The following MTHFS variants were observed in gnomAD, a reference collection of about 807,000 sequenced individuals.
The protein encoded by MTHFS is methenyltetrahydrofolate synthetase.
In MTHFS, 7 loss-of-function variants were observed where a neutral mutation model predicts 12.7. That is an observed-to-expected ratio of 0.55 (90% CI 0.31 to 1.03). MTHFS has a LOEUF of 1.03. MTHFS is among the 50% of genes least tolerant of loss of function. The pLI is 0.05. For missense variants in MTHFS, 252 were observed against 258.1 expected (o/e 0.98, Z 0.16); for synonymous variants, 100 against 97.1 (o/e 1.03, Z -0.18).
intron 2 of MTHFS, among the ~76,000 whole-genome samples, chr15:79,862,601 T>C (rs2033937175): frequency 6.6e-6 from 1 of 152,160 alleles, no homozygotes; most frequent in East Asian, 1.9e-4. Flanking sequence ...CTGTCCTTTC[T>C]ACAGCAAAAA....
intron 2 of MTHFS, among the ~76,000 whole-genome samples, chr15:79,864,629 C>T (rs990793045): frequency 4.1e-5 from 6 of 146,656 alleles, no homozygotes; most frequent in African/African-American, 1.0e-4. Flanking sequence ...GACCTGTACA[C>T]GCTTTCTGGT....
chr15:79,844,831 C>A lies in MTHFS; in HGVS notation c.*379G>T. 4.2e-6 allele frequency: 1 copy of A among 238,358 alleles called. No homozygotes were observed. The highest frequency in any genetic ancestry group is 8.3e-6 in the Non-Finnish European group (1 of 120,616). The allele number at this position is 238,358 out of a possible 1,614,324, so 14.8% of individuals were successfully genotyped here. A position where few individuals can be genotyped will look rare whatever the true frequency, so the allele number is the denominator to read the frequency against. On this transcript the variant is annotated 3_prime_UTR_variant, in exon 3 of 3. Coordinates refer to ENST00000258874, the MANE Select transcript of MTHFS (RefSeq NM_006441.4). ...TCTCCATGTGCCTGCCAGGACAGAC[C>A]AGGTCATGAAAGGCGTAATGAAATA...
At chr15:79,880,957 A>C (rs1425051212) in intron 2 of MTHFS, among the ~76,000 whole-genome samples, 1 of 152,242 alleles carries the variant, frequency 6.6e-6, no homozygotes, top group Non-Finnish European at 1.5e-5. Context: ...AGGAGGCAGC[A>C]TTTAAGCTGG....
chr15:79,879,055 T>C (rs999466232), intron 2 of MTHFS, among the ~76,000 whole-genome samples: 18 of 152,158 alleles, frequency 1.2e-4, no homozygotes, highest in Admixed American at 8.5e-4. Context: ...ATTTAATACA[T>C]AGCTTAAAAA....
intron 2 of MTHFS, among the ~76,000 whole-genome samples, chr15:79,887,629 A>G (rs931496710): frequency 1.3e-5 from 2 of 152,254 alleles, no homozygotes; most frequent in Non-Finnish European, 2.9e-5. Flanking sequence ...AGCTGCATTA[A>G]GTTTGAGCAA....
chr15:79,853,645 A>C lies in MTHFS; in HGVS notation c.380-8203T>G, dbSNP rs148990428. ...ACAAGAGCTATCATGCAGATTTCCT[A>C]TCAGCCCAAACCATGTGCAAGGGTG... On this transcript the variant is annotated intron_variant, in intron 2 of 2. Transcript: ENST00000258874. 7.9e-5 allele frequency among the ~76,000 whole-genome samples: 12 copies of C among 152,344 alleles called. No homozygotes were observed. In the East Asian group the frequency reaches 2.1e-3, roughly 27 times the overall value.
intron 1 of MTHFS, among the ~76,000 whole-genome samples, chr15:79,893,210 C>G (rs754136564): frequency 6.6e-6 from 1 of 151,020 alleles, no homozygotes; most frequent in Admixed American, 6.6e-5. Context: ...CAACATCAGC[C>G]GGGCCAAGAT....
At chr15:79,889,464 A>AC in intron 1 of MTHFS, 110 bp from the exon 2 acceptor site, 5 of 1,338,458 alleles carry the variant, frequency 3.7e-6, no homozygotes, top group Non-Finnish European at 2.9e-6. Flanking sequence ...AATATTAAAA[A>AC]GAAAAAAAAA....
rs768143960 is a variant in MTHFS at position 79,844,929 on chromosome 15, T to G, written c.*281A>C. 2.3e-6 allele frequency: 1 copy of G among 436,936 alleles called. No individual in the cohort carries two copies. Among genetic ancestry groups the G allele is most frequent in the Non-Finnish European group, 4.1e-6 (1 of 245,690 alleles). 27.1% of individuals were successfully genotyped at this position (436,936 alleles called of 1,614,324 possible). A position where few individuals can be genotyped will look rare whatever the true frequency, so the allele number is the denominator to read the frequency against. The stretch of plus-strand genomic sequence containing the variant: ...CACAGTTCCTCATAAATATTTAACT[T>G]AAATTGCAAAGTAGACAGATCAACT... On this transcript the variant is annotated 3_prime_UTR_variant, in exon 3 of 3. Coordinates refer to ENST00000258874, the MANE Select transcript of MTHFS (RefSeq NM_006441.4).
intron 1 of MTHFS, among the ~76,000 whole-genome samples, chr15:79,892,163 T>C (rs2733087): frequency 0.13 from 19,999 of 151,810 alleles, 1,458 homozygotes; most frequent in Admixed American, 0.21. Flanking sequence ...TCAAAAAAAA[T>C]TATCTGAAAA....
intron 2 of MTHFS, among the ~76,000 whole-genome samples, chr15:79,871,887 G>A (rs562093793): frequency 2.0e-5 from 3 of 152,078 alleles, no homozygotes; most frequent in South Asian, 2.1e-4. Flanking sequence ...CATGGATCAC[G>A]AGGTCGGGAG....
At chr15:79,847,197 G>A (rs2033634017) in intron 2 of MTHFS, among the ~76,000 whole-genome samples, 1 of 152,118 alleles carries the variant, frequency 6.6e-6, no homozygotes, top group African/African-American at 2.4e-5. Flanking sequence ...AAAGAAAGGT[G>A]GCAAGAGCTG....
At chr15:79,858,035 A>AAAC (rs1422272629) in intron 2 of MTHFS, among the ~76,000 whole-genome samples, 2 of 151,266 alleles carry the variant, frequency 1.3e-5, no homozygotes, top group African/African-American at 2.4e-5. Flanking sequence ...AAAAAAAAAA[A>AAAC]CATAATCCTC....
intron 2 of MTHFS, among the ~76,000 whole-genome samples, chr15:79,874,679 T>C (rs1237006936): frequency 6.6e-6 from 1 of 152,084 alleles, no homozygotes; most frequent in Non-Finnish European, 1.5e-5. Context: ...AAGGAAAAAC[T>C]GGGGAAGAAG....
chr15:79,867,959 G>C (rs2034041136), intron 2 of MTHFS, among the ~76,000 whole-genome samples: 1 of 152,196 alleles, frequency 6.6e-6, no homozygotes, highest in African/African-American at 2.4e-5. Flanking sequence ...GAGAATGAGA[G>C]AGATCACACA....
At chr15:79,896,799 GAT>G in intron 1 of MTHFS, 71 bp downstream of exon 1, 1 of 1,502,164 alleles carries the variant, frequency 6.7e-7, no homozygotes, top group South Asian at 1.2e-5. Flanking sequence ...ACCATGCACA[GAT>G]CAGCAATCGC....
chr15:79,858,154 G>C (rs1344340472), intron 2 of MTHFS, among the ~76,000 whole-genome samples: 1 of 152,038 alleles, frequency 6.6e-6, no homozygotes, highest in Non-Finnish European at 1.5e-5. Context: ...TTTATGGAAG[G>C]CCCTGCCCAA....
chr15:79,878,434 G>A (rs986005130), intron 2 of MTHFS, among the ~76,000 whole-genome samples: 4 of 150,642 alleles, frequency 2.7e-5, no homozygotes, highest in South Asian at 2.1e-4. Flanking sequence ...AAGACAAGAC[G>A]GTTAATCAAA....
upstream of MTHFS, chr15:79,897,235 G>A (rs537220701): frequency 1.3e-5 from 6 of 457,318 alleles, no homozygotes; most frequent in South Asian, 2.6e-4. Context: ...TTAGGGGAGC[G>A]GTGGCGAGGC....
Sources: gnomAD v4.1 joint callset for allele counts (sites outside exome capture counted in the v4.1 genomes callset) on GRCh38, gnomAD v4.1.1 for gene constraint, MANE v1.5 for transcripts, NCBI Gene and HGNC (gene_info 2026-07-23, HGNC 2026-07-21) for gene names.